The following TXLNB variants were observed in gnomAD, a reference collection of about 807,000 sequenced individuals.
TXLNB encodes taxilin beta.
In TXLNB, 37 loss-of-function variants were observed where a neutral mutation model predicts 57.4. The ratio of observed to expected loss-of-function variants is 0.64; its 90% CI spans 0.50 to 0.85. The LOEUF (loss-of-function observed/expected upper bound fraction) is 0.85. Ranked by LOEUF, TXLNB falls within the 40% of genes least tolerant of loss-of-function variation. The pLI is 0.00. For synonymous variants in TXLNB, 302 were observed against 309.6 expected (o/e 0.98, Z 0.26); for missense variants, 848 against 825.6 (o/e 1.03, Z -0.33).
At chr6:139,319,262 T>A in the TXLNB span, among the ~76,000 whole-genome samples, 2 of 127,712 alleles carry the variant, frequency 1.6e-5, no homozygotes, top group African/African-American at 3.5e-5. Context: ...CCCTTTAAAA[T>A]TTTTTTTTTT....
At chr6:139,229,546 C>G in the TXLNB span, among the ~76,000 whole-genome samples, 3 of 152,184 alleles carry the variant, frequency 2.0e-5, no homozygotes, top group Non-Finnish European at 2.9e-5. Flanking sequence ...TGGTCTCGAA[C>G]TCCTGACCTT....
the TXLNB span, among the ~76,000 whole-genome samples, chr6:139,321,457 T>G: frequency 1.3e-5 from 2 of 152,000 alleles, no homozygotes; most frequent in African/African-American, 4.8e-5. Flanking sequence ...TCCAGAACTA[T>G]AAGAAGTACA....
the TXLNB span, chr6:139,174,509 CG>C: frequency 6.2e-7 from 1 of 1,613,926 alleles, no homozygotes; most frequent in Admixed American, 1.7e-5. Flanking sequence ...TGTACACCTA[CG>C]ACATCCTGGC....
Position 139,272,813 on chromosome 6 carries a change from C to A in TXLNB, c.517-2187G>T, listed in dbSNP as rs184991893. Among the ~76,000 whole-genome samples the A allele has an allele frequency of 5.5e-3, 832 of 152,288 alleles. 7 individuals carry two copies. Among genetic ancestry groups the A allele is most frequent in the African/African-American group, 0.019 (788 of 41,568 alleles). ...CTCTGGGAGGCTGAGGCAGGCGGAT[C>A]ACCTGAAGTCAGGAGATGGAGACCA... On this transcript the variant is annotated intron_variant, in intron 3 of 9. Coordinates refer to ENST00000358430, the MANE Select transcript of TXLNB (RefSeq NM_153235.4).
chr6:139,244,682 C>G lies in TXLNB; in HGVS notation c.1179G>C (p.Lys393Asn), dbSNP rs147476352. The G allele has an allele frequency of 8.4e-5, 135 of 1,612,034 alleles. No homozygotes were observed. The highest frequency in any genetic ancestry group is 1.0e-4 in the Non-Finnish European group (121 of 1,178,290). The change falls in exon 9 of 10, where the codon AAG becomes AAC. Residue 393 changes from lysine (K) to asparagine (N), a missense_variant. By Grantham distance (94) the Lys-to-Asn change is moderately conservative. Coordinates refer to ENST00000358430, the MANE Select transcript of TXLNB (RefSeq NM_153235.4). Reference sequence around the variant, plus strand: ...TGTCCTTTTCCAGCTTCTTCATTTTCTTAGTTGTCTACAGAAATTAGAGTG... The same window carrying G: ...TGTCCTTTTCCAGCTTCTTCATTTTGTTAGTTGTCTACAGAAATTAGAGTG... ...TFKQEMDKTT[K>N]KMKKLEKDTA... is the part of the protein sequence containing the mutation.
At chr6:139,235,636 T>G (rs1775827882), downstream of TXLNB, among the ~76,000 whole-genome samples, 1 of 151,996 alleles carries the variant, frequency 6.6e-6, no homozygotes, top group South Asian at 2.1e-4. Context: ...GATAGTGATA[T>G]GGGATGGGGG....
At chr6:139,180,881 T>G in the TXLNB span, 124 of 152,680 alleles carry the variant, frequency 8.1e-4, no homozygotes, top group African/African-American at 2.9e-3. Context: ...TCAGAAAAGA[T>G]GAAGAGAAAG....
intron 4 of TXLNB, chr6:139,269,230 C>T (rs1383897522): frequency 6.6e-6 from 1 of 152,204 alleles, no homozygotes; most frequent in Non-Finnish European, 1.5e-5. Flanking sequence ...CAATACTACC[C>T]AAGAAGACCA....
chr6:139,295,579 T>TGG (rs140715736), upstream of TXLNB, among the ~76,000 whole-genome samples: 1,582 of 150,992 alleles, frequency 0.01, 11 homozygotes, highest in Non-Finnish European at 0.017. Context: ...AGATATTTTT[T>TGG]GGGGGGGGGA....
the TXLNB span, among the ~76,000 whole-genome samples, chr6:139,299,886 A>C: frequency 2.0e-5 from 3 of 152,160 alleles, no homozygotes; most frequent in Non-Finnish European, 1.5e-5. Flanking sequence ...GTCTCCAAAG[A>C]TGATAGATCC....
At chr6:139,316,458 AT>A in the TXLNB span, among the ~76,000 whole-genome samples, 512 of 150,140 alleles carry the variant, frequency 3.4e-3, 2 homozygotes, top group Non-Finnish European at 5.9e-3. Flanking sequence ...TCTGCTAGTA[AT>A]TTTTTTTTTC....
At chr6:139,191,300 C>T in the TXLNB span, among the ~76,000 whole-genome samples, 3 of 152,100 alleles carry the variant, frequency 2.0e-5, no homozygotes, top group African/African-American at 7.2e-5. Context: ...TGCCTGTAAT[C>T]CCGGCTATTT....
At chr6:139,270,318 C>T (rs975132470) in intron 4 of TXLNB, 138 bp downstream of exon 4, 24 of 781,946 alleles carry the variant, frequency 3.1e-5, no homozygotes, top group East Asian at 1.0e-4. Flanking sequence ...TTTAAGGTTA[C>T]AAGCAAGCAA....
chr6:139,228,071 C>T, the TXLNB span, among the ~76,000 whole-genome samples: 7 of 152,150 alleles, frequency 4.6e-5, no homozygotes, highest in African/African-American at 1.4e-4. Flanking sequence ...GGAACTATTT[C>T]CATAGAAGTT....
At chr6:139,176,027 A>G in the TXLNB span, among the ~76,000 whole-genome samples, 1 of 152,254 alleles carries the variant, frequency 6.6e-6, no homozygotes, top group East Asian at 1.9e-4. This position sits in a 1 kb window ranked among gnomAD's most constrained non-coding sequence, Gnocchi z 4.5. Flanking sequence ...ATAAGCAATA[A>G]TTGATTCTTA....
the TXLNB span, among the ~76,000 whole-genome samples, chr6:139,297,439 C>G: frequency 6.6e-6 from 1 of 152,098 alleles, no homozygotes; most frequent in Non-Finnish European, 1.5e-5. Flanking sequence ...GGAAAGGGGG[C>G]AGGGGTAAAC....
At chr6:139,285,313 CTTATGTAAAAGTTTTAG>C (rs1777148330) in intron 2 of TXLNB, among the ~76,000 whole-genome samples, 1 of 136,224 alleles carries the variant, frequency 7.3e-6, no homozygotes, top group Non-Finnish European at 1.6e-5. Flanking sequence ...CACCCCAATT[CTTATGTAAAAGTTTTAG>C]GGTGATTGAA....
chr6:139,177,520 G>C, the TXLNB span: 2 of 156,918 alleles, frequency 1.3e-5, no homozygotes, highest in African/African-American at 4.8e-5. This position sits in a 1 kb window ranked among gnomAD's most constrained non-coding sequence, Gnocchi z 4.9. Flanking sequence ...AAAAATATGT[G>C]ACAAGTGAAT....
chr6:139,215,854 C>T, the TXLNB span, among the ~76,000 whole-genome samples: 43 of 152,146 alleles, frequency 2.8e-4, 1 homozygote, highest in Non-Finnish European at 5.9e-4. Flanking sequence ...GTTTATGCAG[C>T]CTAAAAACAC....
Sources: gnomAD v4.1 joint callset for allele counts (sites outside exome capture counted in the v4.1 genomes callset) on GRCh38, gnomAD v4.1.1 for gene constraint, Gnocchi (gnomAD v3.1) non-coding constraint, MANE v1.5 for transcripts, NCBI Gene and HGNC (gene_info 2026-07-23, HGNC 2026-07-21) for gene names.